Variants in RGS6 observed in about 807,000 individuals in gnomAD.
RGS6 encodes the protein regulator of G protein signaling 6.
A neutral mutation model predicts 78.5 loss-of-function variants in RGS6; 30 were observed. The observed-to-expected ratio is 0.38, with a 90% confidence interval of 0.29 to 0.52. The LOEUF is 0.52. Among genes scored for constraint, RGS6 ranks in the 20% least tolerant of loss-of-function variants. The pLI is 0.85. For synonymous variants in RGS6, 206 were observed against 206.0 expected (o/e 1.00, Z 0.00); for missense variants, 495 against 609.7 (o/e 0.81, Z 1.98).
intron 10 of RGS6, among the ~76,000 whole-genome samples, 196 bp downstream of exon 10, chr14:72,474,895 C>T (rs2096194572): frequency 6.6e-6 from 1 of 152,168 alleles, no homozygotes; most frequent in African/African-American, 2.4e-5. Flanking sequence ...GGCAGGTCCT[C>T]ATGGAGCCCA....
At chr14:72,142,069 G>A (rs1355958004) in intron 2 of RGS6, among the ~76,000 whole-genome samples, 1 of 152,092 alleles carries the variant, frequency 6.6e-6, no homozygotes, top group Non-Finnish European at 1.5e-5. Context: ...AGAGAGAAAA[G>A]TGGTATATTT....
At chr14:72,200,452 C>G (rs567043992) in intron 2 of RGS6, among the ~76,000 whole-genome samples, 2 of 152,338 alleles carry the variant, frequency 1.3e-5, no homozygotes, top group South Asian at 4.1e-4. Flanking sequence ...CATTTGTCCA[C>G]TTCTTGCTTC....
At chr14:71,937,252 C>T (rs146631706) in intron 1 of RGS6, among the ~76,000 whole-genome samples, 107 of 152,212 alleles carry the variant, frequency 7.0e-4, no homozygotes, top group African/African-American at 2.4e-3. Context: ...TTAATGGAAT[C>T]GTTGTGTTTC....
At chr14:72,603,717 G>A in the RGS6 span, among the ~76,000 whole-genome samples, 1 of 152,054 alleles carries the variant, frequency 6.6e-6, no homozygotes, top group African/African-American at 2.4e-5. Flanking sequence ...TAGATAAGAG[G>A]TTGGAGCCTC....
chr14:72,255,573 G>A (rs1209763079), intron 2 of RGS6, among the ~76,000 whole-genome samples: 1 of 152,170 alleles, frequency 6.6e-6, no homozygotes, highest in Non-Finnish European at 1.5e-5. Flanking sequence ...GGTTCCCAGA[G>A]ATGGACTGAG....
chr14:72,313,453 C>T (rs562789250), intron 2 of RGS6, among the ~76,000 whole-genome samples: 2 of 152,316 alleles, frequency 1.3e-5, no homozygotes, highest in South Asian at 2.1e-4. Flanking sequence ...TTTCTTTCTT[C>T]CTCTTTCTCT....
intron 2 of RGS6, among the ~76,000 whole-genome samples, chr14:71,982,732 C>A (rs1398614222): frequency 2.0e-5 from 3 of 152,216 alleles, no homozygotes; most frequent in East Asian, 3.8e-4. Flanking sequence ...AATTGCTGGG[C>A]TCATCTTCTT....
intron 2 of RGS6, among the ~76,000 whole-genome samples, chr14:72,262,067 C>G (rs556114873): frequency 6.6e-6 from 1 of 151,646 alleles, no homozygotes; most frequent in Non-Finnish European, 1.5e-5. Context: ...GCATTAGTCA[C>G]TAGTACCTTC....
At chr14:72,425,146 T>A (rs975777033) in intron 3 of RGS6, among the ~76,000 whole-genome samples, 1 of 152,040 alleles carries the variant, frequency 6.6e-6, no homozygotes, top group Non-Finnish European at 1.5e-5. Flanking sequence ...AAGGGGAAAA[T>A]CTTTTTTTTT....
At chr14:72,013,928 C>T (rs117335206) in intron 2 of RGS6, among the ~76,000 whole-genome samples, 2,627 of 152,302 alleles carry the variant, frequency 0.017, 30 homozygotes, top group Middle Eastern at 0.048. Flanking sequence ...CTTGTGTGTG[C>T]TCAGTCCTTA....
intron 2 of RGS6, among the ~76,000 whole-genome samples, chr14:72,001,062 G>C (rs940834051): frequency 6.6e-6 from 1 of 152,160 alleles, no homozygotes; most frequent in Non-Finnish European, 1.5e-5. Context: ...TTCGGTTTTT[G>C]GTCAGTTGTT....
chr14:72,626,662 C>G, the RGS6 span, among the ~76,000 whole-genome samples: 6 of 152,120 alleles, frequency 3.9e-5, no homozygotes, highest in Non-Finnish European at 5.9e-5. Flanking sequence ...TGCATTCCAT[C>G]ATGTTGCAGG....
intron 2 of RGS6, among the ~76,000 whole-genome samples, chr14:72,265,947 G>C (rs540948290): frequency 7.0e-6 from 1 of 142,206 alleles, no homozygotes; most frequent in Non-Finnish European, 1.5e-5. Flanking sequence ...TTGGGGGGGG[G>C]GGCGGGAGGC....
At chr14:72,029,167 C>T (rs536937850) in intron 2 of RGS6, among the ~76,000 whole-genome samples, 46 of 152,306 alleles carry the variant, frequency 3.0e-4, no homozygotes, top group African/African-American at 6.5e-4. Flanking sequence ...CTTTATCCCT[C>T]GTTCTGTGAC....
upstream of RGS6, among the ~76,000 whole-genome samples, chr14:71,930,217 C>T (rs2087782762): frequency 6.6e-6 from 1 of 152,216 alleles, no homozygotes; most frequent in Admixed American, 6.5e-5. Flanking sequence ...ACACCTTCAT[C>T]TCCAACTTCA....
chr14:72,571,809 C>T, the RGS6 span, among the ~76,000 whole-genome samples: 22,917 of 152,076 alleles, frequency 0.15, 2,252 homozygotes, highest in African/African-American at 0.28. Flanking sequence ...AAAAAATAGA[C>T]AAATTGAACT....
intron 2 of RGS6, among the ~76,000 whole-genome samples, chr14:72,303,327 C>G (rs1331603952): frequency 3.3e-5 from 5 of 152,102 alleles, no homozygotes; most frequent in African/African-American, 1.2e-4. Flanking sequence ...ATGGTGAAAC[C>G]CCATCTCTAC....
chr14:72,178,098 A>T (rs1240036004), intron 2 of RGS6, among the ~76,000 whole-genome samples: 3 of 152,074 alleles, frequency 2.0e-5, no homozygotes, highest in African/African-American at 7.2e-5. Context: ...TTTCTCACTC[A>T]CTGAAAACCA....
intron 2 of RGS6, among the ~76,000 whole-genome samples, chr14:72,242,218 T>C (rs1341926503): frequency 1.3e-5 from 2 of 151,982 alleles, no homozygotes; most frequent in Non-Finnish European, 2.9e-5. Flanking sequence ...TTAACAAAGG[T>C]GAAGGGGGCA....
Sources: gnomAD v4.1 joint callset for allele counts (sites outside exome capture counted in the v4.1 genomes callset) on GRCh38, gnomAD v4.1.1 for gene constraint, MANE v1.5 for transcripts, NCBI Gene and HGNC (gene_info 2026-07-23, HGNC 2026-07-21) for gene names.